The following FBXL7 variants were observed in gnomAD, a reference collection of about 807,000 sequenced individuals.
FBXL7 encodes F-box and leucine rich repeat protein 7, also known as F-box/LRR-repeat protein 7.
A neutral mutation model predicts 38.3 loss-of-function variants in FBXL7; 12 were observed. The observed-to-expected ratio is 0.31, with a 90% CI of 0.20 to 0.51. FBXL7 has a LOEUF of 0.51. Among genes scored for constraint, FBXL7 ranks in the 20% least tolerant of loss-of-function variants. FBXL7 has a pLI of 0.98. For synonymous variants in FBXL7, 297 were observed against 300.9 expected (o/e 0.99, Z 0.13); for missense variants, 567 against 676.4 (o/e 0.84, Z 1.79).
chr5:15,636,679 C>G (rs1189728603), intron 2 of FBXL7, among the ~76,000 whole-genome samples: 1 of 129,684 alleles, frequency 7.7e-6, no homozygotes. Context: ...AGGGCTAAAA[C>G]CTTTTTTTTT....
At chr5:15,921,380 CAA>C (rs56077834) in intron 2 of FBXL7, among the ~76,000 whole-genome samples, 51,972 of 124,916 alleles carry the variant, frequency 0.42, 10,335 homozygotes, top group Admixed American at 0.54. Context: ...GACTCCATCT[CAA>C]AAAAAAAAAA....
intron 2 of FBXL7, among the ~76,000 whole-genome samples, chr5:15,667,988 G>C (rs935018927): frequency 6.6e-6 from 1 of 152,162 alleles, no homozygotes; most frequent in African/African-American, 2.4e-5. Context: ...GTTGCTGGAA[G>C]CGTTAAGTGA....
intron 2 of FBXL7, among the ~76,000 whole-genome samples, chr5:15,911,396 C>G (rs1741423624): frequency 7.6e-6 from 1 of 131,978 alleles, no homozygotes; most frequent in Admixed American, 7.2e-5. Context: ...AAGCACTTCT[C>G]TGTATTGGTT....
intron 3 of FBXL7, among the ~76,000 whole-genome samples, chr5:15,935,831 G>A (rs1024777539): frequency 2.0e-5 from 3 of 152,140 alleles, no homozygotes; most frequent in African/African-American, 7.2e-5. Context: ...TGAAGTGTCG[G>A]CTCACCACCT....
At chr5:15,537,295 C>T (rs1737614586) in intron 1 of FBXL7, among the ~76,000 whole-genome samples, 1 of 152,134 alleles carries the variant, frequency 6.6e-6, no homozygotes, top group Admixed American at 6.5e-5. Context: ...TATTTTCCAT[C>T]TGTATATCTT....
rs1160409000 is a variant in FBXL7 at position 15,824,476 on chromosome 5, C to T, written c.128-103414C>T. ...TTGTTTGCTTTGCTTGTGACCGTGG[C>T]GCCCTCTACTGTTCTTCAGAGTTGC... On this transcript the variant is annotated intron_variant, in intron 2 of 3. Coordinates refer to ENST00000504595, the MANE Select transcript of FBXL7 (RefSeq NM_012304.5). 3.9e-5 allele frequency among the ~76,000 whole-genome samples: 6 copies of T among 151,910 alleles called. 1 individual carries two copies. The South Asian group carries it at 1.0e-3, about 26-fold the overall frequency.
intron 2 of FBXL7, among the ~76,000 whole-genome samples, chr5:15,626,400 TA>T (rs1213513740): frequency 2.0e-5 from 3 of 152,198 alleles, no homozygotes; most frequent in Non-Finnish European, 4.4e-5. Flanking sequence ...AATTGGTTTG[TA>T]AGCCTACAAA....
At chr5:15,510,950 C>G (rs891450639) in intron 1 of FBXL7, among the ~76,000 whole-genome samples, 26 of 152,208 alleles carry the variant, frequency 1.7e-4, no homozygotes, top group Admixed American at 1.7e-3. Context: ...GGGCACACAG[C>G]TGGTGTGTGA....
chr5:15,589,918 C>T (rs2126478953), intron 1 of FBXL7, among the ~76,000 whole-genome samples: 1 of 152,310 alleles, frequency 6.6e-6, no homozygotes, highest in East Asian at 1.9e-4. Flanking sequence ...TGCTCTGCAG[C>T]TCATGAATGT....
intron 2 of FBXL7, among the ~76,000 whole-genome samples, chr5:15,816,888 T>C (rs1339818829): frequency 1.3e-5 from 2 of 152,206 alleles, no homozygotes; most frequent in African/African-American, 2.4e-5. Flanking sequence ...AATTCCACTT[T>C]TGTCAACAAA....
At chr5:15,590,657 C>T (rs1034569470) in intron 1 of FBXL7, among the ~76,000 whole-genome samples, 3 of 151,956 alleles carry the variant, frequency 2.0e-5, no homozygotes, top group Non-Finnish European at 4.4e-5. Flanking sequence ...CACCTTATTG[C>T]CCCCAATCAG....
intron 2 of FBXL7, among the ~76,000 whole-genome samples, chr5:15,899,494 G>A (rs763018072): frequency 2.6e-5 from 4 of 152,300 alleles, no homozygotes; most frequent in East Asian, 1.9e-4. Context: ...TGAGATAAGC[G>A]GATTTGAAAA....
chr5:15,831,901 C>T (rs1738465203), intron 2 of FBXL7, among the ~76,000 whole-genome samples: 1 of 152,124 alleles, frequency 6.6e-6, no homozygotes, highest in Admixed American at 6.5e-5. Context: ...CTCCCATTGC[C>T]CATGGCCCTT....
intron 2 of FBXL7, among the ~76,000 whole-genome samples, chr5:15,920,729 C>T (rs1432488929): frequency 6.6e-6 from 1 of 152,150 alleles, no homozygotes; most frequent in Non-Finnish European, 1.5e-5. Flanking sequence ...CCATGTTCAC[C>T]AGGCTGGTCT....
chr5:15,641,465 G>A (rs571876954), intron 2 of FBXL7, among the ~76,000 whole-genome samples: 1 of 151,986 alleles, frequency 6.6e-6, no homozygotes, highest in African/African-American at 2.4e-5. Context: ...GAGGAATGGG[G>A]AAGATGGAAG....
chr5:15,771,459 C>T (rs907025822), intron 2 of FBXL7, among the ~76,000 whole-genome samples: 4 of 152,236 alleles, frequency 2.6e-5, no homozygotes, highest in Non-Finnish European at 4.4e-5. Flanking sequence ...TTATTAAGTC[C>T]GTGGTGCCAT....
chr5:15,752,061 A>G (rs367948506), intron 2 of FBXL7, among the ~76,000 whole-genome samples: 1 of 152,194 alleles, frequency 6.6e-6, no homozygotes, highest in East Asian at 1.9e-4. Context: ...TTTCATGTCG[A>G]TCTTCAGAAT....
chr5:15,505,077 T>G (rs774387947), intron 1 of FBXL7, among the ~76,000 whole-genome samples: 85 of 152,322 alleles, frequency 5.6e-4, no homozygotes, highest in Non-Finnish European at 1.1e-3. Context: ...TGCTGTCAGA[T>G]ATGAGGAGAG....
intron 2 of FBXL7, among the ~76,000 whole-genome samples, chr5:15,878,364 C>T (rs1428525686): frequency 6.6e-6 from 1 of 152,110 alleles, no homozygotes. Context: ...CAAATAATGC[C>T]TTTCTGAGCT....
Sources: allele counts gnomAD v4.1 joint callset (sites outside exome capture counted in the v4.1 genomes callset), GRCh38; gene constraint gnomAD v4.1.1; transcripts MANE v1.5; gene names NCBI Gene and HGNC (gene_info 2026-07-23, HGNC 2026-07-21).